The following CNTN4 variants were observed in gnomAD, a reference collection of about 807,000 sequenced individuals.
The protein encoded by CNTN4 is contactin 4.
Under a neutral mutation model 122.5 loss-of-function variants are expected in CNTN4, and 77 were observed. The ratio of observed to expected loss-of-function variants is 0.63; its 90% CI spans 0.52 to 0.76. The LOEUF is 0.76. CNTN4 is among the 30% of genes least tolerant of loss of function. The pLI, the probability that CNTN4 is intolerant of heterozygous loss-of-function variation, is 0.00. For missense variants in CNTN4, 1,256 were observed against 1,259.1 expected (o/e 1.00, Z 0.04); for synonymous variants, 512 against 447.0 (o/e 1.15, Z -1.83).
rs144273210 is a variant in CNTN4, at chr3:2,615,147, C to A, written c.55+43589C>A. Among the ~76,000 whole-genome samples the A allele has an allele frequency of 8.3e-4, 126 of 152,278 alleles. 1 individual carries two copies. The highest frequency in any genetic ancestry group is 2.9e-3 in the African/African-American group (121 of 41,566). On this transcript the variant is annotated intron_variant, in intron 4 of 24. Transcript: ENST00000418658. ...TGTTTTGGGTTAGCAATAAAATTCT[C>A]TGCATTTGCTTCATAAATCAAACAA... is the stretch of plus-strand genomic sequence containing the variant.
intron 4 of CNTN4, among the ~76,000 whole-genome samples, chr3:2,645,139 G>A (rs2083064767): frequency 6.6e-6 from 1 of 151,926 alleles, no homozygotes; most frequent in Non-Finnish European, 1.5e-5. Flanking sequence ...AATTGCTCAG[G>A]CTTCAAGTCT....
chr3:2,451,139 G>A (rs2048815036), intron 3 of CNTN4, among the ~76,000 whole-genome samples: 1 of 152,164 alleles, frequency 6.6e-6, no homozygotes, highest in Non-Finnish European at 1.5e-5. Context: ...TTATTTATGA[G>A]AATAGAGAAG....
chr3:2,834,960 A>G (rs1050475558), intron 7 of CNTN4, among the ~76,000 whole-genome samples: 16 of 115,312 alleles, frequency 1.4e-4, no homozygotes, highest in Non-Finnish European at 2.1e-4. Context: ...GCTGGAGTGC[A>G]GTGGGGCGAT....
chr3:2,274,394 CA>C (rs1406910042), intron 2 of CNTN4, among the ~76,000 whole-genome samples: 1 of 148,192 alleles, frequency 6.7e-6, no homozygotes, highest in Non-Finnish European at 1.5e-5. Flanking sequence ...AACAAACAAA[CA>C]AACAAACAAA....
At chr3:3,009,953 C>T (rs959804816) in intron 14 of CNTN4, among the ~76,000 whole-genome samples, 5 of 152,042 alleles carry the variant, frequency 3.3e-5, no homozygotes, top group Admixed American at 6.6e-5. Context: ...TTCGGCTGAT[C>T]GCTACCTAGA....
chr3:2,279,663 CCTGTTTTTGTAACCCAAAATATGCATTGA>C (rs1172789969), intron 2 of CNTN4, among the ~76,000 whole-genome samples: 2 of 151,940 alleles, frequency 1.3e-5, no homozygotes, highest in Non-Finnish European at 2.9e-5. Context: ...GACAGGATTG[CCTGTTTTTGTAACCCAAAATATGCATTGA>C]AAAAAATAAG....
chr3:2,990,224 C>T (rs546320719), intron 14 of CNTN4, among the ~76,000 whole-genome samples: 7 of 152,202 alleles, frequency 4.6e-5, no homozygotes, highest in Non-Finnish European at 7.4e-5. Flanking sequence ...CCATGCTAAG[C>T]GATTAACAGG....
chr3:2,857,400 G>C (rs1245963506), intron 7 of CNTN4, among the ~76,000 whole-genome samples: 1 of 152,084 alleles, frequency 6.6e-6, no homozygotes, highest in Non-Finnish European at 1.5e-5. Context: ...TGTAAAATAT[G>C]GTGATACCTT....
intron 3 of CNTN4, chr3:2,362,247 G>C (rs2045181661): frequency 5.4e-6 from 1 of 184,228 alleles, no homozygotes; most frequent in African/African-American, 2.4e-5. Flanking sequence ...GTTTATCCCA[G>C]CTCTGGCAAG....
At chr3:2,117,411 G>A (rs1291175437) in intron 2 of CNTN4, among the ~76,000 whole-genome samples, 3 of 152,204 alleles carry the variant, frequency 2.0e-5, no homozygotes, top group East Asian at 1.9e-4. Context: ...GTCTGGAAGT[G>A]CATCTGAACG....
At chr3:2,863,659 C>T (rs577540677) in intron 7 of CNTN4, among the ~76,000 whole-genome samples, 2 of 151,780 alleles carry the variant, frequency 1.3e-5, no homozygotes, top group South Asian at 2.1e-4. Context: ...ACAGCGTTTC[C>T]CAAACTAGGT....
In CNTN4 at chr3:2,438,260, T is replaced by G. The variant is rs148178007; in HGVS notation, c.-89+99027T>G. Among the ~76,000 whole-genome samples the G allele has an allele frequency of 2.7e-3, 409 of 152,276 alleles. 1 individual carries two copies. The highest frequency in any genetic ancestry group is 9.4e-3 in the African/African-American group (391 of 41,572). On this transcript the variant is annotated intron_variant, in intron 3 of 24. Transcript: ENST00000418658. Reference sequence around the variant, plus strand: ...TTTGGCTGGGCACGGTTGCTCACGCTAGTAATCCCAGCCCTTTGGGAGGCC... The same window carrying G: ...TTTGGCTGGGCACGGTTGCTCACGCGAGTAATCCCAGCCCTTTGGGAGGCC...
At chr3:2,830,400 TG>T (rs1023984243) in intron 7 of CNTN4, among the ~76,000 whole-genome samples, 3 of 152,236 alleles carry the variant, frequency 2.0e-5, no homozygotes, top group Admixed American at 6.5e-5. Context: ...AAATAATGTT[TG>T]GAAAATGAGA....
intron 2 of CNTN4, among the ~76,000 whole-genome samples, chr3:2,280,382 A>C (rs922508098): frequency 4.6e-5 from 7 of 152,208 alleles, no homozygotes; most frequent in Admixed American, 1.3e-4. Flanking sequence ...AAAATAATGA[A>C]TCACTACTCC....
chr3:2,333,035 G>T (rs933060152), intron 2 of CNTN4, among the ~76,000 whole-genome samples: 2 of 152,132 alleles, frequency 1.3e-5, no homozygotes, highest in African/African-American at 4.8e-5. Context: ...ATGTCCTATA[G>T]ACTGGAGCAT....
intron 2 of CNTN4, among the ~76,000 whole-genome samples, chr3:2,147,211 G>C (rs941671555): frequency 1.3e-5 from 2 of 152,130 alleles, no homozygotes; most frequent in South Asian, 2.1e-4. Context: ...ATGTCGAACT[G>C]TTTAAGCATT....
intron 3 of CNTN4, among the ~76,000 whole-genome samples, chr3:2,520,223 C>T (rs2077159375): frequency 7.1e-6 from 1 of 139,904 alleles, no homozygotes; most frequent in Non-Finnish European, 1.5e-5. Context: ...TCATGATTTA[C>T]ATTACCATAG....
chr3:2,225,162 A>C (rs1242891388), intron 2 of CNTN4, among the ~76,000 whole-genome samples: 11 of 137,608 alleles, frequency 8.0e-5, no homozygotes, highest in East Asian at 6.1e-4. Flanking sequence ...ACCACCCCCA[A>C]AAAAAAAGAA....
chr3:2,756,560 G>A (rs962538204), intron 6 of CNTN4, among the ~76,000 whole-genome samples: 1 of 152,216 alleles, frequency 6.6e-6, no homozygotes, highest in Admixed American at 6.5e-5. Context: ...CTCAAAAAAT[G>A]TGTCTACCTG....
Sources: allele counts gnomAD v4.1 joint callset (sites outside exome capture counted in the v4.1 genomes callset), GRCh38; gene constraint gnomAD v4.1.1; transcripts MANE v1.5; gene names NCBI Gene and HGNC (gene_info 2026-07-23, HGNC 2026-07-21).